The following MYO16 variants were observed in gnomAD, a reference collection of about 807,000 sequenced individuals.
MYO16 encodes the protein unconventional myosin-XVI.
A neutral mutation model predicts 205.3 loss-of-function variants in MYO16; 94 were observed. The ratio of observed to expected loss-of-function variants is 0.46; its 90% confidence interval spans 0.39 to 0.54. The LOEUF (loss-of-function observed/expected upper bound fraction) is 0.54, where lower values mean the gene tolerates loss of function less well. Among genes scored for constraint, MYO16 ranks in the 20% least tolerant of loss-of-function variants. The pLI is 0.00. For synonymous variants in MYO16, 988 were observed against 954.0 expected (o/e 1.04, Z -0.66); for missense variants, 2,315 against 2,387.5 (o/e 0.97, Z 0.63).
intron 7 of MYO16, among the ~76,000 whole-genome samples, chr13:108,818,152 G>A (rs972921063): frequency 6.6e-6 from 1 of 152,138 alleles, no homozygotes; most frequent in Non-Finnish European, 1.5e-5. Flanking sequence ...GGGAGACCAA[G>A]TCGGGCTGAT....
At chr13:109,050,828 A>G (rs190268326) in intron 24 of MYO16, among the ~76,000 whole-genome samples, 1 of 141,786 alleles carries the variant, frequency 7.1e-6, no homozygotes, top group Non-Finnish European at 1.6e-5. Context: ...AACCCCTTCA[A>G]AGCTAGCTCC....
the MYO16 span, among the ~76,000 whole-genome samples, chr13:108,580,634 G>T: frequency 6.6e-6 from 1 of 152,192 alleles, no homozygotes; most frequent in Admixed American, 6.5e-5. Context: ...ACTATAACAA[G>T]TAAAACTGGC....
At chr13:109,049,762 T>G (rs1005512756) in intron 24 of MYO16, among the ~76,000 whole-genome samples, 7 of 152,148 alleles carry the variant, frequency 4.6e-5, no homozygotes, top group South Asian at 2.1e-4. Flanking sequence ...TCATTTAACT[T>G]TTTATTTTGA....
intron 11 of MYO16, among the ~76,000 whole-genome samples, chr13:108,859,675 C>T (rs1328571482): frequency 6.6e-6 from 1 of 152,094 alleles, no homozygotes; most frequent in Non-Finnish European, 1.5e-5. Context: ...AGAATACAAG[C>T]GTTGCATTCT....
At chr13:108,588,589 T>C in the MYO16 span, among the ~76,000 whole-genome samples, 2 of 152,326 alleles carry the variant, frequency 1.3e-5, no homozygotes, top group Middle Eastern at 3.4e-3. Flanking sequence ...TAAACATTCA[T>C]TATACTTGCA....
chr13:109,032,246 G>A (rs1441386353), intron 23 of MYO16, among the ~76,000 whole-genome samples: 1 of 152,130 alleles, frequency 6.6e-6, no homozygotes, highest in Non-Finnish European at 1.5e-5. Context: ...ACACAGCTCT[G>A]GCTTGTGTAC....
rs775645929 is a variant in MYO16, at chr13:109,140,471, C to T, written c.4259C>T (p.Pro1420Leu). Residue 1420 changes from proline (P) to leucine (L), a missense_variant, in exon 32 of 35, where the codon CCG (proline) becomes CTG (leucine). By Grantham distance (98) the Pro-to-Leu change is moderately conservative. Coordinates refer to ENST00000457511, the MANE Select transcript of MYO16 (RefSeq NM_001198950.3). This position sits in a 1 kb window ranked among gnomAD's most constrained non-coding sequence, Gnocchi z 8.0. ...GGGACTCCGCAGTGCGCGCTGCCCC[C>T]GGCGGCGCCTCCGGGTGACGAGGAC... Reference protein sequence around the residue: ...TPGTPQCALPPAAPPGDEDDS... With the variant: ...TPGTPQCALPLAAPPGDEDDS... The T allele has an allele frequency of 1.2e-5, 18 of 1,537,742 alleles. No individual in the cohort carries two copies. The African/African-American group carries it at 2.3e-4, about 19-fold the overall frequency.
chr13:108,711,079 G>C (rs1883701646), intron 2 of MYO16, among the ~76,000 whole-genome samples: 1 of 152,156 alleles, frequency 6.6e-6, no homozygotes, highest in South Asian at 2.1e-4. Flanking sequence ...TATATATAGA[G>C]AGAAAGGGAG....
the MYO16 span, among the ~76,000 whole-genome samples, chr13:108,576,541 T>C: frequency 1.9e-3 from 286 of 152,374 alleles, no homozygotes; most frequent in African/African-American, 6.4e-3. Flanking sequence ...TGTAAGAATC[T>C]ATGCTATCTG....
intron 4 of MYO16, among the ~76,000 whole-genome samples, chr13:108,769,066 A>T (rs1036053744): frequency 6.6e-6 from 1 of 152,218 alleles, no homozygotes; most frequent in South Asian, 2.1e-4. Flanking sequence ...CACCCAAAGG[A>T]TATTCTCTCA....
chr13:109,165,991 T>C lies in MYO16; in HGVS notation c.5323+932T>C, dbSNP rs527787162. On this transcript the variant is annotated intron_variant, in intron 33 of 34. Coordinates refer to ENST00000457511, the MANE Select transcript of MYO16 (RefSeq NM_001198950.3). ...ACCTGGGAGAAACACGTGTACATTTTCCCCAAAGGGCAGTAATAGCATCCT... is the reference window on the plus strand; with the variant it reads ...ACCTGGGAGAAACACGTGTACATTTCCCCCAAAGGGCAGTAATAGCATCCT... 2.1e-3 allele frequency among the ~76,000 whole-genome samples: 325 copies of C among 152,280 alleles called. 3 individuals carry two copies. Among genetic ancestry groups the C allele is most frequent in the African/African-American group, 7.4e-3 (308 of 41,542 alleles).
chr13:108,584,067 C>T, the MYO16 span, among the ~76,000 whole-genome samples: 1 of 152,122 alleles, frequency 6.6e-6, no homozygotes, highest in Non-Finnish European at 1.5e-5. Flanking sequence ...CATTCTCCAG[C>T]CTCAGCCTCC....
At chr13:108,708,865 G>C (rs1325322830) in intron 2 of MYO16, among the ~76,000 whole-genome samples, 2 of 152,136 alleles carry the variant, frequency 1.3e-5, no homozygotes, top group Non-Finnish European at 2.9e-5. Flanking sequence ...TGTTGGTGAT[G>C]GTGGGAAGCA....
chr13:108,500,820 G>C, the MYO16 span, among the ~76,000 whole-genome samples: 1 of 152,082 alleles, frequency 6.6e-6, no homozygotes, highest in Non-Finnish European at 1.5e-5. Flanking sequence ...TAAAAGACTT[G>C]AATGATTTTC....
chr13:108,905,766 C>T (rs1880942383), intron 15 of MYO16, among the ~76,000 whole-genome samples: 1 of 87,796 alleles, frequency 1.1e-5, no homozygotes, highest in Admixed American at 1.3e-4. Flanking sequence ...TCCTCAGGAG[C>T]TTACTTTTCT....
intron 14 of MYO16, among the ~76,000 whole-genome samples, chr13:108,897,344 A>T (rs891090658): frequency 6.6e-6 from 1 of 152,192 alleles, no homozygotes; most frequent in African/African-American, 2.4e-5. Context: ...TTCAGCCCCC[A>T]GGGTTGGCCT....
At chr13:108,772,701 A>T (rs1426534308) in intron 4 of MYO16, among the ~76,000 whole-genome samples, 3 of 152,170 alleles carry the variant, frequency 2.0e-5, no homozygotes, top group Admixed American at 6.5e-5. Flanking sequence ...GGTTTTGATC[A>T]CTGTTGTGTA....
intron 15 of MYO16, among the ~76,000 whole-genome samples, chr13:108,909,134 G>T (rs1881144599): frequency 6.6e-6 from 1 of 151,976 alleles, no homozygotes; most frequent in African/African-American, 2.4e-5. Context: ...TCATAATTTT[G>T]ACCAACGCTA....
chr13:108,524,455 A>G, the MYO16 span, among the ~76,000 whole-genome samples: 1 of 152,212 alleles, frequency 6.6e-6, no homozygotes, highest in Non-Finnish European at 1.5e-5. Context: ...AAGCTTCACC[A>G]GAAGCTGAGC....
Sources: gnomAD v4.1 joint callset for allele counts (sites outside exome capture counted in the v4.1 genomes callset) on GRCh38, gnomAD v4.1.1 for gene constraint, Gnocchi (gnomAD v3.1) non-coding constraint, MANE v1.5 for transcripts, NCBI Gene and HGNC (gene_info 2026-07-23, HGNC 2026-07-21) for gene names.